The following PTPRE variants were observed in gnomAD, a reference collection of about 807,000 sequenced individuals.
PTPRE encodes the protein receptor-type tyrosine-protein phosphatase epsilon.
Under a neutral mutation model 102.0 loss-of-function variants are expected in PTPRE, and 51 were observed. The ratio of observed to expected loss-of-function variants is 0.50; its 90% CI spans 0.40 to 0.63. PTPRE has a LOEUF of 0.63. PTPRE is among the 30% of genes least tolerant of loss of function. PTPRE has a pLI of 0.00. For missense variants in PTPRE, 752 were observed against 915.1 expected, an observed-to-expected ratio of 0.82 and a Z score of 2.30; for synonymous variants, 345 against 348.2, an observed-to-expected ratio of 0.99 and a Z score of 0.10.
intron 2 of PTPRE, among the ~76,000 whole-genome samples, chr10:128,011,125 G>A (rs1468821620): frequency 6.6e-6 from 1 of 152,212 alleles, no homozygotes; most frequent in African/African-American, 2.4e-5. Context: ...GCGGTTTAAT[G>A]GGTAATTCTC....
At position 128,028,527 on chromosome 10, in the gene PTPRE, CT is replaced by C. The variant is rs1846450484; in HGVS notation, c.-7-12347del. On this transcript the variant is annotated intron_variant, in intron 2 of 20. Transcript: ENST00000254667. This position sits in a 1 kb window ranked among gnomAD's most constrained non-coding sequence, Gnocchi z 4.5. ...TGGTACACAGCACACCTGGCCCTGGCTCAGCCCCCCAATGTGGACAGGTTGC... is the reference window on the plus strand; with the variant it reads ...TGGTACACAGCACACCTGGCCCTGGCCAGCCCCCCAATGTGGACAGGTTGC... 6.6e-6 allele frequency among the ~76,000 whole-genome samples: 1 copy of C among 152,192 alleles called. No individual in the cohort carries two copies. Among genetic ancestry groups the C allele is most frequent in the Non-Finnish European group, 1.5e-5 (1 of 68,034 alleles).
chr10:127,986,644 A>AT (rs1183560757), intron 2 of PTPRE, among the ~76,000 whole-genome samples: 5 of 152,078 alleles, frequency 3.3e-5, no homozygotes, highest in African/African-American at 4.8e-5. Flanking sequence ...AAGAAGTGTG[A>AT]TTTTTTCTCT....
intron 2 of PTPRE, among the ~76,000 whole-genome samples, chr10:128,011,694 T>G (rs927920812): frequency 6.6e-6 from 1 of 152,236 alleles, no homozygotes; most frequent in South Asian, 2.1e-4. Flanking sequence ...TGTCACTCTA[T>G]GCTTCCTCTA....
intron 1 of PTPRE, among the ~76,000 whole-genome samples, chr10:127,930,989 C>T (rs573760783): frequency 3.3e-5 from 5 of 152,102 alleles, no homozygotes; most frequent in South Asian, 2.1e-4. Context: ...GACGGGGTTT[C>T]GCCATGTTGG....
In PTPRE at chr10:127,950,750, A is replaced by G. The variant is rs569920891; in HGVS notation, c.-30-31524A>G. 5.3e-5 allele frequency among the ~76,000 whole-genome samples: 8 copies of G among 152,256 alleles called. 1 individual carries two copies. In the South Asian group the frequency reaches 1.2e-3, roughly 24 times the overall value. ...ACAGCAGAGCAAAGCAACAATCAAA[A>G]TGGTCTGACTCGTGTAGATCTATGG... On this transcript the variant is annotated intron_variant, in intron 1 of 20. Coordinates refer to ENST00000254667, the MANE Select transcript of PTPRE (RefSeq NM_006504.6).
chr10:128,071,955 A>G lies in PTPRE; in HGVS notation c.1388-183A>G, dbSNP rs540279076. ...TGGGTGGTTTTCAGAGTTTTCCTTC[A>G]AAAAGAAAAATACCCCTGAGCCACT... is the stretch of plus-strand genomic sequence containing the variant. On this transcript the variant is annotated intron_variant, in intron 15 of 20. Coordinates refer to ENST00000254667, the MANE Select transcript of PTPRE (RefSeq NM_006504.6). The G allele has an allele frequency of 5.4e-6, 3 of 551,918 alleles. No homozygotes were observed. The South Asian group carries it at 7.8e-5, about 14-fold the overall frequency. 34.2% of individuals were successfully genotyped at this position (551,918 alleles called of 1,614,324 possible).
intron 1 of PTPRE, among the ~76,000 whole-genome samples, chr10:127,980,011 C>G (rs1851483100): frequency 6.6e-6 from 1 of 152,198 alleles, no homozygotes; most frequent in Non-Finnish European, 1.5e-5. Flanking sequence ...TCACGAGTCA[C>G]TCTTTTTAGC....
intron 2 of PTPRE, among the ~76,000 whole-genome samples, chr10:128,013,996 C>T (rs1440049537): frequency 6.6e-6 from 1 of 152,174 alleles, no homozygotes; most frequent in Non-Finnish European, 1.5e-5. Flanking sequence ...AGACAAGACC[C>T]AATGTGCCCC....
intron 1 of PTPRE, among the ~76,000 whole-genome samples, chr10:127,976,575 A>T (rs956754855): frequency 1.3e-5 from 2 of 152,168 alleles, no homozygotes; most frequent in Non-Finnish European, 2.9e-5. Flanking sequence ...TCTGTCATAG[A>T]CTGGCAAAAA....
chr10:127,997,527 C>A (rs1452724313), intron 2 of PTPRE, among the ~76,000 whole-genome samples: 2 of 152,162 alleles, frequency 1.3e-5, no homozygotes, highest in Non-Finnish European at 2.9e-5. Flanking sequence ...AAAGCAGAAT[C>A]CTAACATTCA....
At chr10:127,950,780 G>A (rs1848957877) in intron 1 of PTPRE, among the ~76,000 whole-genome samples, 1 of 151,962 alleles carries the variant, frequency 6.6e-6, no homozygotes, top group Non-Finnish European at 1.5e-5. Flanking sequence ...CTATGGCACT[G>A]GCTAGTTAAT....
chr10:128,036,854 A>G (rs934949791), intron 2 of PTPRE, among the ~76,000 whole-genome samples: 1 of 152,092 alleles, frequency 6.6e-6, no homozygotes, highest in African/African-American at 2.4e-5. Context: ...GAGGTCTGGG[A>G]TGGTCCTGAG....
chr10:128,064,891 G>A (rs543522863), intron 10 of PTPRE, among the ~76,000 whole-genome samples: 3 of 152,282 alleles, frequency 2.0e-5, no homozygotes, highest in Non-Finnish European at 4.4e-5. Flanking sequence ...TCTCATGATC[G>A]GGTGGGAGGG....
At position 128,084,815 on chromosome 10, in the gene PTPRE, T is replaced by C. The variant is rs1400174043; in HGVS notation, c.*1909T>C. 1 of 117,346 alleles carries C rather than the reference T, an allele frequency of 8.5e-6. No homozygotes were observed. Among genetic ancestry groups the C allele is most frequent in the Non-Finnish European group, 1.8e-5 (1 of 56,552 alleles). The allele number at this position is 117,346 out of a possible 1,614,324, so 7.3% of individuals were successfully genotyped here. A position where few individuals can be genotyped will look rare whatever the true frequency, so the allele number is the denominator to read the frequency against. On this transcript the variant is annotated 3_prime_UTR_variant, in exon 21 of 21. Coordinates refer to ENST00000254667, the MANE Select transcript of PTPRE (RefSeq NM_006504.6). ...TGCTACGATGAAGGTGACATTTCTC[T>C]GGTCATTTATTTGAGAGTTCGAAGT...
In PTPRE at chr10:128,069,735, A is replaced by G. The variant is rs1264398149; in HGVS notation, c.1051A>G (p.Met351Val). 1.2e-6 allele frequency: 2 copies of G among 1,614,136 alleles called. No homozygotes were observed. The highest frequency in any genetic ancestry group is 1.7e-6 in the Non-Finnish European group (2 of 1,180,014). The change falls in exon 13 of 21, where the codon ATG becomes GTG. Residue 351 changes from methionine (M) to valine (V), a missense_variant. Around this residue, in one of 2 missense-constraint regions of PTPRE, gnomAD observed 636 missense variants for 824.4 expected, o/e 0.77. Transcript: ENST00000254667. ...GGGCACCTTCATTGTGATCGATGCC[A>G]TGATGGCCATGATGCACGCGGAGCA... ...RTGTFIVIDA[M>V]MAMMHAEQKV...
intron 1 of PTPRE, among the ~76,000 whole-genome samples, chr10:127,958,559 G>A (rs1202731744): frequency 2.0e-5 from 3 of 152,154 alleles, no homozygotes; most frequent in Non-Finnish European, 4.4e-5. Flanking sequence ...TGGTTATGGT[G>A]AATACTTATT....
intron 1 of PTPRE, among the ~76,000 whole-genome samples, chr10:127,942,759 G>C (rs956932253): frequency 6.6e-6 from 1 of 152,202 alleles, no homozygotes; most frequent in African/African-American, 2.4e-5. Context: ...CAGAGTTTCA[G>C]TTTGGGAAGA....
At position 128,077,696 on chromosome 10, in the gene PTPRE, C is replaced by T. The variant is rs1851338200; in HGVS notation, c.1805C>T (p.Ala602Val). ...GGCTGGCCTGAGATCGGGATTCCCGCCGAGGGCAAAGGCATGATTGACCTC... is the reference window on the plus strand; with the variant it reads ...GGCTGGCCTGAGATCGGGATTCCCGTCGAGGGCAAAGGCATGATTGACCTC... ...FHGWPEIGIPAEGKGMIDLIA... is the reference protein window; with the variant it reads ...FHGWPEIGIPVEGKGMIDLIA... The change falls in exon 19 of 21, where the codon GCC (alanine) becomes GTC (valine). Residue 602 changes from alanine to valine, a missense_variant. Around this residue, in one of 2 missense-constraint regions of PTPRE, gnomAD observed 636 missense variants for 824.4 expected, o/e 0.77. Coordinates refer to ENST00000254667, the MANE Select transcript of PTPRE (RefSeq NM_006504.6). 1 of 1,613,850 alleles carries T rather than the reference C, an allele frequency of 6.2e-7. No homozygotes were observed. Among genetic ancestry groups the T allele is most frequent in the South Asian group, 1.1e-5 (1 of 91,096 alleles).
chr10:127,940,928 G>C (rs1314289845), intron 1 of PTPRE, among the ~76,000 whole-genome samples: 1 of 152,222 alleles, frequency 6.6e-6, no homozygotes, highest in African/African-American at 2.4e-5. Flanking sequence ...TGCACCCTCA[G>C]TGCACTCAGG....
Sources: gnomAD v4.1 joint callset for allele counts (sites outside exome capture counted in the v4.1 genomes callset) on GRCh38, gnomAD v4.1.1 for gene constraint, gnomAD v4.1.1 regional missense constraint, Gnocchi (gnomAD v3.1) non-coding constraint, MANE v1.5 for transcripts, NCBI Gene and HGNC (gene_info 2026-07-23, HGNC 2026-07-21) for gene names.